TBCD: variants seen among roughly 807,000 people sequenced by gnomAD.
TBCD encodes the protein tubulin folding cofactor D.
TBCD carries 105 observed loss-of-function variants against 169.3 expected under a neutral mutation model. The ratio of observed to expected loss-of-function variants is 0.62; its 90% confidence interval spans 0.53 to 0.73. The LOEUF is 0.73. TBCD is among the 30% of genes least tolerant of loss of function. TBCD has a pLI of 0.00. For missense variants in TBCD, 1,444 were observed against 1,600.1 expected (o/e 0.90, Z 1.66); for synonymous variants, 700 against 643.9 (o/e 1.09, Z -1.32).
Position 82,832,032 on chromosome 17 carries a change from T to C in TBCD, c.1318+17098T>C, listed in dbSNP as rs371018840. 12 of 1,612,706 alleles carry C rather than the reference T, an allele frequency of 7.4e-6. No homozygotes were observed. The African/African-American group carries it at 1.5e-4, about 20-fold the overall frequency. ...GGGCACCGAGGGCGGCTTCCGGAGCTGGGCTCTTGCAGGGTGATGCCCTGT... is the reference window on the plus strand; with the variant it reads ...GGGCACCGAGGGCGGCTTCCGGAGCCGGGCTCTTGCAGGGTGATGCCCTGT... On this transcript the variant is annotated intron_variant, in intron 13 of 38. Transcript: ENST00000355528. This position sits in a 1 kb window ranked among gnomAD's most constrained non-coding sequence, Gnocchi z 4.9.
intron 13 of TBCD, chr17:82,830,164 C>G: frequency 1.2e-6 from 2 of 1,614,104 alleles, no homozygotes; most frequent in African/African-American, 2.7e-5. Context: ...GGCCCTCCTT[C>G]GTAGTGTGAA....
chr17:82,766,448 T>A (rs2048021700), intron 4 of TBCD, 80 bp downstream of exon 4: 1 of 858,468 alleles, frequency 1.2e-6, no homozygotes, highest in Admixed American at 2.5e-5. Flanking sequence ...CTGCTGCACC[T>A]TCCCCTTCCT....
intron 7 of TBCD, among the ~76,000 whole-genome samples, chr17:82,786,340 CA>C (rs2049315777): frequency 6.6e-6 from 1 of 152,166 alleles, no homozygotes; most frequent in Non-Finnish European, 1.5e-5. Flanking sequence ...AGGATGTGAC[CA>C]GAGCTGGTTG....
chr17:82,849,584 A>C (rs927634717), intron 13 of TBCD, among the ~76,000 whole-genome samples: 5 of 152,236 alleles, frequency 3.3e-5, no homozygotes, highest in African/African-American at 1.2e-4. Flanking sequence ...AAGTAAAGTA[A>C]GAACCGCGTG....
In TBCD at chr17:82,933,504, C is replaced by T. The variant is rs113769416; in HGVS notation, c.3191+769C>T. On this transcript the variant is annotated intron_variant, in intron 34 of 38. Transcript: ENST00000355528. The stretch of plus-strand genomic sequence containing the variant: ...CCTGGCCCCAAGTGCCTGCCTTGGC[C>T]TCCTAAAGTGCTAGGATTACAGGTG... 6.4e-4 allele frequency among the ~76,000 whole-genome samples: 98 copies of T among 152,124 alleles called. 2 individuals carry two copies. The Middle Eastern group carries it at 0.01, about 16-fold the overall frequency.
At chr17:82,939,816 C>T (rs2062960999) in intron 37 of TBCD, among the ~76,000 whole-genome samples, 1 of 152,216 alleles carries the variant, frequency 6.6e-6, no homozygotes, top group African/African-American at 2.4e-5. Context: ...CCAGACCTCT[C>T]TAAAGTTCTC....
intron 17 of TBCD, among the ~76,000 whole-genome samples, chr17:82,898,795 T>C (rs1321845294): frequency 2.0e-5 from 3 of 152,256 alleles, no homozygotes; most frequent in Non-Finnish European, 4.4e-5. Context: ...TTTAAAAGTC[T>C]TCCGTGTTGT....
At chr17:82,830,286 T>C (rs774178327) in intron 13 of TBCD, 3 of 1,614,260 alleles carry the variant, frequency 1.9e-6, no homozygotes, top group South Asian at 1.1e-5. Context: ...ACTGGGCCTC[T>C]TGGCTCTCCA....
chr17:82,931,631 G>C (rs188927081), intron 33 of TBCD, among the ~76,000 whole-genome samples: 7 of 152,368 alleles, frequency 4.6e-5, no homozygotes, highest in African/African-American at 1.7e-4. Flanking sequence ...GTTGCTGGTA[G>C]AGCTGCAGGC....
At position 82,884,405 on chromosome 17, in the gene TBCD, G is replaced by A. The variant is rs1214399608; in HGVS notation, c.1533+203G>A. Among the ~76,000 whole-genome samples, 1 of 152,228 alleles carries A rather than the reference G, an allele frequency of 6.6e-6. No individual in the cohort carries two copies. Among genetic ancestry groups the A allele is most frequent in the Non-Finnish European group, 1.5e-5 (1 of 68,042 alleles). ...CTTCAGCGTGTGAAGGGCGGTCAGG[G>A]TTAAGCATCCCCAGAGCTGCAGCCA... On this transcript the variant is annotated intron_variant, in intron 15 of 38. Transcript: ENST00000355528. This position sits in a 1 kb window ranked among gnomAD's most constrained non-coding sequence, Gnocchi z 4.2.
At position 82,793,542 on chromosome 17, in the gene TBCD, C is replaced by A. The variant is rs550582193; in HGVS notation, c.772-4215C>A. Among the ~76,000 whole-genome samples, 4 of 152,308 alleles carry A rather than the reference C, an allele frequency of 2.6e-5. No homozygotes were observed. In the South Asian group the frequency reaches 8.3e-4, roughly 32 times the overall value. ...CCCTGCTGCTGAGGGGAGCCTCGAG[C>A]GTACCAGAGTTCCTCAGTGAAGCCT... On this transcript the variant is annotated intron_variant, in intron 7 of 38. Coordinates refer to ENST00000355528, the MANE Select transcript of TBCD (RefSeq NM_005993.5).
intron 37 of TBCD, among the ~76,000 whole-genome samples, chr17:82,940,219 G>GCGCGCA (rs1555672916): frequency 2.1e-5 from 2 of 94,524 alleles, no homozygotes; most frequent in African/African-American, 6.2e-5. Flanking sequence ...ACTTGCACGC[G>GCGCGCA]CGCACACACA....
rs1013509296 is a variant in TBCD at position 82,920,293 on chromosome 17, G to A, written c.2039-263G>A. Reference sequence around the variant, plus strand: ...CCGGCCCGGCTTCTCTGAAGTGCACGTGGGCTCACACATGGGCCTTCTGCC... The same window carrying A: ...CCGGCCCGGCTTCTCTGAAGTGCACATGGGCTCACACATGGGCCTTCTGCC... On this transcript the variant is annotated intron_variant, in intron 23 of 38. Coordinates refer to ENST00000355528, the MANE Select transcript of TBCD (RefSeq NM_005993.5). This position sits in a 1 kb window ranked among gnomAD's most constrained non-coding sequence, Gnocchi z 4.1. Among the ~76,000 whole-genome samples the A allele has an allele frequency of 1.3e-5, 2 of 152,236 alleles. No individual in the cohort carries two copies. The highest frequency in any genetic ancestry group is 2.4e-5 in the African/African-American group (1 of 41,456).
chr17:82,759,915 C>G (rs1043780707), intron 2 of TBCD, among the ~76,000 whole-genome samples: 2 of 129,582 alleles, frequency 1.5e-5, no homozygotes, highest in Non-Finnish European at 3.1e-5. Flanking sequence ...GAGATGGAGT[C>G]TCGCTCTGTC....
chr17:82,758,400 A>AAAAAAAAAAAAAAT lies in TBCD; in HGVS notation c.235+2188_235+2189insAAAAAAAAAATAAA, dbSNP rs1035939621. The stretch of plus-strand genomic sequence containing the variant: ...AACGTCTCGGAAAAAAAAAAAAAAA[A>AAAAAAAAAAAAAAT]AAATAAATAAATAAATAAATTTTTT... On this transcript the variant is annotated intron_variant, in intron 2 of 38. Transcript: ENST00000355528. Among the ~76,000 whole-genome samples the AAAAAAAAAAAAAAT allele has an allele frequency of 4.3e-3, 427 of 99,832 alleles. 7 individuals carry two copies. Among genetic ancestry groups the AAAAAAAAAAAAAAT allele is most frequent in the South Asian group, 8.0e-3 (21 of 2,626 alleles). 65.5% of individuals were successfully genotyped at this position (99,832 alleles called of 152,430 possible). A position where few individuals can be genotyped will look rare whatever the true frequency, so the allele number is the denominator to read the frequency against.
At chr17:82,847,141 G>A (rs983873024) in intron 13 of TBCD, among the ~76,000 whole-genome samples, 1 of 152,080 alleles carries the variant, frequency 6.6e-6, no homozygotes, top group African/African-American at 2.4e-5. Flanking sequence ...CATGAGGTCA[G>A]GAGATCGAGA....
chr17:82,859,494 G>A lies in TBCD; in HGVS notation c.1319-10730G>A, dbSNP rs752401890. 971 of 956,556 alleles carry A rather than the reference G, an allele frequency of 1.0e-3. 2 individuals carry two copies. The highest frequency in any genetic ancestry group is 1.1e-3 in the Non-Finnish European group (911 of 803,854). The allele number at this position is 956,556 out of a possible 1,614,324, so 59.3% of individuals were successfully genotyped here. A position where few individuals can be genotyped will look rare whatever the true frequency, so the allele number is the denominator to read the frequency against. On this transcript the variant is annotated intron_variant, in intron 13 of 38. Transcript: ENST00000355528. ...TGTGTCCTCCCTACACTCACACACT[G>A]GCTTTCAGGGAGATTGGGCCTTGTG... is the stretch of plus-strand genomic sequence containing the variant.
intron 1 of TBCD, among the ~76,000 whole-genome samples, chr17:82,754,260 G>T (rs2047285656): frequency 1.3e-5 from 2 of 152,154 alleles, no homozygotes; most frequent in South Asian, 2.1e-4. Flanking sequence ...TTGGTTAGGG[G>T]TATACAATCA....
chr17:82,806,800 G>A lies in TBCD; in HGVS notation c.1087+789G>A, dbSNP rs539588765. Reference sequence around the variant, plus strand: ...TGGCACCGTTGCCAGCCCCGAGCCAGCATCCACTCCGGCCCTTCCCTTGAC... The same window carrying A: ...TGGCACCGTTGCCAGCCCCGAGCCAACATCCACTCCGGCCCTTCCCTTGAC... On this transcript the variant is annotated intron_variant, in intron 10 of 38. Coordinates refer to ENST00000355528, the MANE Select transcript of TBCD (RefSeq NM_005993.5). This position sits in a 1 kb window ranked among gnomAD's most constrained non-coding sequence, Gnocchi z 5.1. Among the ~76,000 whole-genome samples the A allele has an allele frequency of 1.2e-4, 18 of 152,306 alleles. No individual in the cohort carries two copies. Among genetic ancestry groups the A allele is most frequent in the Non-Finnish European group, 2.1e-4 (14 of 68,034 alleles).
Sources: allele counts gnomAD v4.1 joint callset (sites outside exome capture counted in the v4.1 genomes callset), GRCh38; gene constraint gnomAD v4.1.1; non-coding constraint Gnocchi (gnomAD v3.1); transcripts MANE v1.5; gene names NCBI Gene and HGNC (gene_info 2026-07-23, HGNC 2026-07-21).